The following DIP2C variants were observed in gnomAD, a reference collection of about 807,000 sequenced individuals.
DIP2C encodes the protein disco-interacting protein 2 homolog C.
A neutral mutation model predicts 192.4 loss-of-function variants in DIP2C; 33 were observed. The ratio of observed to expected loss-of-function variants is 0.17; its 90% CI spans 0.13 to 0.23. DIP2C has a LOEUF of 0.23. Ranked by LOEUF, DIP2C falls within the 10% of genes least tolerant of loss-of-function variation. The pLI is 1.00. For synonymous variants in DIP2C, 979 were observed against 864.1 expected (o/e 1.13, Z -2.33); for missense variants, 1,537 against 2,110.1 (o/e 0.73, Z 5.32).
intron 4 of DIP2C, among the ~76,000 whole-genome samples, chr10:438,864 C>T (rs1389468440): frequency 6.6e-6 from 1 of 151,992 alleles, no homozygotes. Flanking sequence ...CTGTGTTTCC[C>T]AGGCTGGAGT....
At chr10:328,741 G>A (rs1957375113) in intron 30 of DIP2C, among the ~76,000 whole-genome samples, 1 of 152,102 alleles carries the variant, frequency 6.6e-6, no homozygotes, top group Non-Finnish European at 1.5e-5. Context: ...GTAGATGACA[G>A]AAACACAAAC....
rs1050168046 is a variant in DIP2C, at chr10:363,304, C to T, written c.2485G>A (p.Val829Met). 2 of 1,610,964 alleles carry T rather than the reference C, an allele frequency of 1.2e-6. No homozygotes were observed. Among genetic ancestry groups the T allele is most frequent in the Non-Finnish European group, 1.7e-6 (2 of 1,179,956 alleles). The change falls in exon 21 of 37, where the codon GTG becomes ATG. Residue 829 changes from valine (V) to methionine (M), a missense_variant. By Grantham distance (21) the Val-to-Met change is conservative (BLOSUM62 1). Around this residue, in one of 4 missense-constraint regions of DIP2C, gnomAD observed 677 missense variants for 989.9 expected, o/e 0.68. Coordinates refer to ENST00000280886, the MANE Select transcript of DIP2C (RefSeq NM_014974.3). The surrounding 1 kb of genome is among the most constrained non-coding windows in gnomAD (Gnocchi z 5.4). ...MKFVYRGRIA[V>M]FSVTVLHDER... ...TCGTGCAGCACGGTCACCGAGAACACGGCTATCCTGCGGGGACACAGGAGC... is the reference window on the plus strand; with the variant it reads ...TCGTGCAGCACGGTCACCGAGAACATGGCTATCCTGCGGGGACACAGGAGC...
chr10:534,884 G>C (rs1175151469), intron 1 of DIP2C, among the ~76,000 whole-genome samples: 2 of 151,670 alleles, frequency 1.3e-5, no homozygotes, highest in Admixed American at 1.3e-4. Flanking sequence ...CACCTTGTTA[G>C]CCAGGATGGT....
chr10:555,497 C>T (rs1848802840), intron 1 of DIP2C, among the ~76,000 whole-genome samples: 1 of 152,226 alleles, frequency 6.6e-6, no homozygotes, highest in Non-Finnish European at 1.5e-5. Context: ...GGAACCCCAG[C>T]ATGCGGGTAT....
chr10:657,092 T>TC (rs1265605739), intron 1 of DIP2C, among the ~76,000 whole-genome samples: 1 of 151,780 alleles, frequency 6.6e-6, no homozygotes, highest in Non-Finnish European at 1.5e-5. Flanking sequence ...CCACTGGACT[T>TC]GACACTGGAC....
chr10:390,620 G>A (rs184135319), intron 11 of DIP2C, 120 bp downstream of exon 11: 26 of 1,480,138 alleles, frequency 1.8e-5, no homozygotes, highest in Middle Eastern at 2.3e-4. Flanking sequence ...AAAACTCGTG[G>A]GTCTGTGACT....
intron 10 of DIP2C, among the ~76,000 whole-genome samples, chr10:398,799 TAA>T (rs1430396705): frequency 4.3e-4 from 3 of 6,898 alleles, no homozygotes; most frequent in East Asian, 6.8e-3. Context: ...TTCAAAATAA[TAA>T]TTAAAAAAAA....
At chr10:332,941 C>T (rs1233734869) in intron 29 of DIP2C, among the ~76,000 whole-genome samples, 2 of 152,218 alleles carry the variant, frequency 1.3e-5, no homozygotes, top group Non-Finnish European at 1.5e-5. Context: ...CTCACTCCGT[C>T]GCCCAGGTTG....
chr10:408,051 T>G lies in DIP2C; in HGVS notation c.1149+875A>C, dbSNP rs138975256. 2.1e-3 allele frequency among the ~76,000 whole-genome samples: 314 copies of G among 152,338 alleles called. 1 individual carries two copies. Among genetic ancestry groups the G allele is most frequent in the African/African-American group, 6.9e-3 (287 of 41,574 alleles). On this transcript the variant is annotated intron_variant, in intron 9 of 36. Transcript: ENST00000280886. ...ATTTTCTTCTAAGGCATTTTCTTTATGTTTTCTTCTAGGTTTTGGCTTTAG... is the reference window on the plus strand; with the variant it reads ...ATTTTCTTCTAAGGCATTTTCTTTAGGTTTTCTTCTAGGTTTTGGCTTTAG...
intron 4 of DIP2C, among the ~76,000 whole-genome samples, chr10:435,501 C>T (rs966326876): frequency 6.6e-6 from 1 of 152,236 alleles, no homozygotes; most frequent in Non-Finnish European, 1.5e-5. Flanking sequence ...CTCACTACAG[C>T]AATTTGTCAA....
rs150403218 is a variant in DIP2C, at chr10:497,070, G to A, written c.86-10540C>T. Among the ~76,000 whole-genome samples, 90 of 152,296 alleles carry A rather than the reference G, an allele frequency of 5.9e-4. 2 individuals carry two copies. In the East Asian group the frequency reaches 0.017, roughly 29 times the overall value. On this transcript the variant is annotated intron_variant, in intron 1 of 36. Coordinates refer to ENST00000280886, the MANE Select transcript of DIP2C (RefSeq NM_014974.3). ...ACCCAGGAGATGGAGCTTGCAGTGA[G>A]CTGAGATCGTGCCACTGCACTCCAG...
At chr10:287,561 G>A (rs1341784346) in intron 33 of DIP2C, among the ~76,000 whole-genome samples, 2 of 150,930 alleles carry the variant, frequency 1.3e-5, no homozygotes, top group Non-Finnish European at 2.9e-5. Flanking sequence ...CCAACTCTGT[G>A]AAGCATTCTA....
At chr10:361,955 A>C (rs1355846721) in intron 22 of DIP2C, among the ~76,000 whole-genome samples, 1 of 151,592 alleles carries the variant, frequency 6.6e-6, no homozygotes, top group Non-Finnish European at 1.5e-5. Flanking sequence ...GTGTGGGGGG[A>C]AAACTGTGCC....
chr10:409,066 G>T (rs1339609960), intron 8 of DIP2C, 49 bp from the exon 9 acceptor site: 9 of 1,584,182 alleles, frequency 5.7e-6, no homozygotes, highest in Non-Finnish European at 4.3e-6. Context: ...CATACGGAGA[G>T]CACAGCTTCT....
intron 32 of DIP2C, among the ~76,000 whole-genome samples, chr10:289,227 G>A (rs1415451609): frequency 6.6e-6 from 1 of 151,824 alleles, no homozygotes; most frequent in African/African-American, 2.4e-5. Context: ...CGGGCAGGGG[G>A]CCTGTGGGCT....
intron 1 of DIP2C, among the ~76,000 whole-genome samples, chr10:655,174 A>G (rs910467119): frequency 2.6e-5 from 4 of 152,210 alleles, no homozygotes; most frequent in Admixed American, 2.6e-4. Context: ...ATCAGCTTCT[A>G]TGTAAAAGCC....
At chr10:530,878 TCTC>T (rs1266784293) in intron 1 of DIP2C, among the ~76,000 whole-genome samples, 4 of 151,842 alleles carry the variant, frequency 2.6e-5, no homozygotes, top group Non-Finnish European at 4.4e-5. Context: ...CAGCATGAAG[TCTC>T]CTCCACAGTC....
At chr10:337,268 ATG>A (rs1398276035) in intron 29 of DIP2C, among the ~76,000 whole-genome samples, 1 of 11,014 alleles carries the variant, frequency 9.1e-5, no homozygotes, top group Non-Finnish European at 2.0e-4. Context: ...GCCTAGGCTG[ATG>A]TGTGTGTGTG....
At chr10:644,852 A>T (rs565662871) in intron 1 of DIP2C, among the ~76,000 whole-genome samples, 1 of 152,394 alleles carries the variant, frequency 6.6e-6, no homozygotes, top group East Asian at 1.9e-4. Context: ...TCAGACATAC[A>T]ATTTAGCACC....
Sources: allele counts gnomAD v4.1 joint callset (sites outside exome capture counted in the v4.1 genomes callset), GRCh38; gene constraint gnomAD v4.1.1; regional missense constraint gnomAD v4.1.1; non-coding constraint Gnocchi (gnomAD v3.1); transcripts MANE v1.5; gene names NCBI Gene and HGNC (gene_info 2026-07-23, HGNC 2026-07-21).